The following TDP1 variants were observed in gnomAD, a reference collection of about 807,000 sequenced individuals.
TDP1 encodes tyr-DNA phosphodiesterase 1.
Under a neutral mutation model 81.5 loss-of-function variants are expected in TDP1, and 64 were observed. The observed-to-expected ratio is 0.79, with a 90% CI of 0.64 to 0.97. The LOEUF (loss-of-function observed/expected upper bound fraction) is 0.97. TDP1 is among the 50% of genes least tolerant of loss of function. The probability of loss-of-function intolerance (pLI) is 0.00; values close to 1 mark genes in which losing one functional copy is unlikely to be tolerated. For missense variants in TDP1, 723 were observed against 743.8 expected (o/e 0.97, Z 0.33); for synonymous variants, 256 against 264.3 (o/e 0.97, Z 0.30).
chr14:89,980,664 G>A (rs201638437), intron 8 of TDP1, 32 bp downstream of exon 8: 1 of 1,549,236 alleles, frequency 6.5e-7, no homozygotes, highest in South Asian at 1.1e-5. Context: ...TCCTGGCAGT[G>A]TGTGTGTTGA....
rs567684858 is a variant in TDP1, at chr14:89,993,402, G to A, written c.1460G>A (p.Arg487His). 4.7e-5 allele frequency: 76 copies of A among 1,613,650 alleles called. No homozygotes were observed. The East Asian group carries it at 5.6e-4, about 12-fold the overall frequency. ...FHKWSAETSG[R>H]SNAMPHIKTY... Reference sequence around the variant, plus strand: ...AAATGGTCAGCTGAGACTTCTGGCCGCAGCAATGCCATGCCACATATTAAG... The same window carrying A: ...AAATGGTCAGCTGAGACTTCTGGCCACAGCAATGCCATGCCACATATTAAG... The change falls in exon 14 of 17, where the codon CGC (arginine) becomes CAC (histidine). Residue 487 changes from arginine to histidine, a missense_variant. Physicochemically the swap from Arg to His is conservative, Grantham distance 29. Transcript: ENST00000335725.
At chr14:90,007,565 G>A (rs1302533060) in intron 14 of TDP1, among the ~76,000 whole-genome samples, 2 of 152,078 alleles carry the variant, frequency 1.3e-5, no homozygotes, top group African/African-American at 4.8e-5. Flanking sequence ...CTCCAACCTG[G>A]GTAATAGAGC....
intron 16 of TDP1, among the ~76,000 whole-genome samples, chr14:90,042,052 G>A (rs192240606): frequency 6.6e-6 from 1 of 152,280 alleles, no homozygotes; most frequent in East Asian, 1.9e-4. Flanking sequence ...CGGAGGAGGT[G>A]GAATTTGACA....
rs3215752 is a variant in TDP1 at position 90,032,938 on chromosome 14, C to CG, written c.1645-161dup. 6.0e-4 allele frequency: 508 copies of CG among 851,260 alleles called. 4 individuals are homozygous for CG. In the East Asian group the frequency reaches 8.8e-3, roughly 15 times the overall value. 52.7% of individuals were successfully genotyped at this position (851,260 alleles called of 1,614,324 possible). On this transcript the variant is annotated intron_variant, in intron 15 of 16. Transcript: ENST00000335725. ...GTTTAGAAAGGAAAATAATTTGGGG[C>CG]GGGGGGGTTGTAAATATATTTGCCT...
intron 14 of TDP1, among the ~76,000 whole-genome samples, chr14:90,013,844 A>T (rs1274134691): frequency 6.6e-6 from 1 of 152,104 alleles, no homozygotes; most frequent in Non-Finnish European, 1.5e-5. Context: ...AACCTCTTTT[A>T]CTTGGCTCTC....
rs889719672 is a variant in TDP1 at position 90,041,249 on chromosome 14, A to T, written c.1754-1821A>T. The stretch of plus-strand genomic sequence containing the variant: ...GAGCAAGGGCTTGCTGAGGCCAATG[A>T]GTGCAATGGGGAGTCAGATCTGTCA... On this transcript the variant is annotated intron_variant, in intron 16 of 16. Transcript: ENST00000335725. Among the ~76,000 whole-genome samples the T allele has an allele frequency of 3.3e-5, 5 of 152,314 alleles. No homozygotes were observed. The South Asian group carries it at 6.2e-4, about 19-fold the overall frequency.
At chr14:90,020,044 GA>G (rs931018927) in intron 15 of TDP1, among the ~76,000 whole-genome samples, 85 of 152,300 alleles carry the variant, frequency 5.6e-4, no homozygotes, top group African/African-American at 2.0e-3. Context: ...GGTCTTTCGA[GA>G]TGTCCAGCAC....
chr14:89,967,813 C>G (rs1239127730), intron 5 of TDP1, among the ~76,000 whole-genome samples: 4 of 152,120 alleles, frequency 2.6e-5, no homozygotes, highest in East Asian at 1.9e-4. Context: ...TTTGAGGATC[C>G]CTTTGTGTTT....
At chr14:90,021,835 T>C (rs1296507697) in intron 15 of TDP1, among the ~76,000 whole-genome samples, 2 of 152,366 alleles carry the variant, frequency 1.3e-5, no homozygotes, top group East Asian at 3.9e-4. Context: ...GACGATGTAA[T>C]TAACAGTCTA....
At chr14:89,989,344 T>C (rs1045219364) in intron 11 of TDP1, 1 of 985,302 alleles carries the variant, frequency 1.0e-6, no homozygotes, top group Non-Finnish European at 1.2e-6. Flanking sequence ...CAGACTGGCC[T>C]GTGATTTTTC....
At position 89,993,430 on chromosome 14, in the gene TDP1, A is replaced by G. The variant is rs1439339708; in HGVS notation, c.1488A>G (p.Thr496=). The G allele has an allele frequency of 1.2e-6, 2 of 1,613,910 alleles. No individual in the cohort carries two copies. Among genetic ancestry groups the G allele is most frequent in the Non-Finnish European group, 1.7e-6 (2 of 1,179,860 alleles). Residue 496 remains threonine (T), a synonymous_variant, in exon 14 of 17, where the codon ACA becomes ACG. Transcript: ENST00000335725. The part of the protein sequence containing the change: ...GRSNAMPHIK[T]YMRPSPDFSK... ...GCAATGCCATGCCACATATTAAGACATATATGAGGCCTTCTCCAGACTTCA... is the reference window on the plus strand; with the variant it reads ...GCAATGCCATGCCACATATTAAGACGTATATGAGGCCTTCTCCAGACTTCA...
intron 16 of TDP1, among the ~76,000 whole-genome samples, chr14:90,039,176 T>A (rs1333403247): frequency 2.0e-5 from 3 of 152,180 alleles, no homozygotes; most frequent in Non-Finnish European, 4.4e-5. Flanking sequence ...AGTCACAGAT[T>A]AATATGTGCA....
At chr14:89,955,567 A>C (rs1891468735), upstream of TDP1, 1 of 152,264 alleles carries the variant, frequency 6.6e-6, no homozygotes, top group Non-Finnish European at 1.5e-5. Context: ...CTCCCAGGAC[A>C]CAGGTCTCCT....
chr14:90,033,069 T>C, intron 15 of TDP1, 37 bp from the exon 16 acceptor site: 1 of 1,382,100 alleles, frequency 7.2e-7, no homozygotes. Context: ...ACCCAGAAAA[T>C]GGGGTGCAAT....
intron 14 of TDP1, among the ~76,000 whole-genome samples, chr14:90,014,732 T>G (rs1015129862): frequency 3.9e-5 from 6 of 152,200 alleles, no homozygotes; most frequent in Non-Finnish European, 7.3e-5. Flanking sequence ...GCAGTCACCC[T>G]TGGGGACTTG....
intron 15 of TDP1, among the ~76,000 whole-genome samples, chr14:90,031,902 C>G (rs1887326936): frequency 6.6e-6 from 1 of 152,180 alleles, no homozygotes; most frequent in Non-Finnish European, 1.5e-5. Flanking sequence ...TAAAATAGGC[C>G]TGCTATTCTC....
At chr14:90,016,028 ACAG>A (rs918032094) in intron 14 of TDP1, among the ~76,000 whole-genome samples, 2 of 150,936 alleles carry the variant, frequency 1.3e-5, no homozygotes, top group Non-Finnish European at 2.9e-5. Context: ...CAAATGTGAG[ACAG>A]CAGCCTTTTT....
At chr14:89,957,176 T>C (rs1394493540) in intron 2 of TDP1, 1 of 152,162 alleles carries the variant, frequency 6.6e-6, no homozygotes, top group Non-Finnish European at 1.5e-5. Context: ...ATTCCAAAGG[T>C]CACCCCTATT....
chr14:90,035,363 A>C (rs1887714567), intron 16 of TDP1, among the ~76,000 whole-genome samples: 1 of 152,080 alleles, frequency 6.6e-6, no homozygotes, highest in South Asian at 2.1e-4. Context: ...TGAGTCCTCT[A>C]AATTTCTTGT....
Sources: allele counts gnomAD v4.1 joint callset (sites outside exome capture counted in the v4.1 genomes callset), GRCh38; gene constraint gnomAD v4.1.1; transcripts MANE v1.5; gene names NCBI Gene and HGNC (gene_info 2026-07-23, HGNC 2026-07-21).